VPS41: variants seen among roughly 807,000 people sequenced by gnomAD.
VPS41 encodes the protein VPS41 subunit of HOPS complex.
In VPS41, 85 loss-of-function variants were observed where a neutral mutation model predicts 130.9. The ratio of observed to expected loss-of-function variants is 0.65; its 90% CI spans 0.55 to 0.78. The LOEUF is 0.78. VPS41 is among the 30% of genes least tolerant of loss of function. The pLI, the probability that VPS41 is intolerant of heterozygous loss-of-function variation, is 0.00. For synonymous variants in VPS41, 335 were observed against 332.9 expected (o/e 1.01, Z -0.07); for missense variants, 874 against 1,018.7 (o/e 0.86, Z 1.93).
At position 38,795,463 on chromosome 7, in the gene VPS41, A is replaced by AG. The variant is rs754977119; in HGVS notation, c.717+1_717+2insC. On this transcript the variant is annotated splice_donor_variant, in intron 9 of 28. Coordinates refer to ENST00000310301, the MANE Select transcript of VPS41 (RefSeq NM_014396.4). LOFTEE classifies it high-confidence loss of function. ...ACTTATTATAAAGACAAGCAAAACC[A>AG]CCTTGACAGAAGTCCCCCAGCCAAT... The AG allele has an allele frequency of 1.2e-6, 2 of 1,610,156 alleles. No homozygotes were observed. The highest frequency in any genetic ancestry group is 1.7e-6 in the Non-Finnish European group (2 of 1,177,942).
intron 25 of VPS41, among the ~76,000 whole-genome samples, chr7:38,734,749 G>A (rs976937423): frequency 3.9e-5 from 6 of 152,140 alleles, no homozygotes; most frequent in Non-Finnish European, 5.9e-5. Context: ...AAGATTCTTC[G>A]AACACTAAAC....
At chr7:38,898,432 G>A (rs1388443277) in intron 1 of VPS41, among the ~76,000 whole-genome samples, 1 of 152,144 alleles carries the variant, frequency 6.6e-6, no homozygotes, top group Non-Finnish European at 1.5e-5. Context: ...AACCCATCTG[G>A]CAAAGCAGCC....
intron 16 of VPS41, among the ~76,000 whole-genome samples, chr7:38,764,138 T>C (rs1271108250): frequency 6.6e-6 from 1 of 152,198 alleles, no homozygotes; most frequent in Admixed American, 6.5e-5. Context: ...AGAAGAAAGA[T>C]ATGCAGACAA....
In VPS41 at chr7:38,772,578, T is replaced by C; in HGVS notation, c.1072A>G (p.Lys358Glu). 4.3e-6 allele frequency: 7 copies of C among 1,613,740 alleles called. No homozygotes were observed. Among genetic ancestry groups the C allele is most frequent in the Non-Finnish European group, 5.9e-6 (7 of 1,179,742 alleles). Reference sequence around the variant, plus strand: ...ATGTGATCATCTTGGTCTCGTTCCTTGGCCACTACAACATCTCTCGGACTC... The same window carrying C: ...ATGTGATCATCTTGGTCTCGTTCCTCGGCCACTACAACATCTCTCGGACTC... ...IVSPRDVVVAKERDQDDHIDW... is the reference protein window; with the variant it reads ...IVSPRDVVVAEERDQDDHIDW... The change falls in exon 13 of 29, where the codon AAG becomes GAG. Residue 358 changes from lysine (K) to glutamate (E), a missense_variant. By Grantham distance (56) the Lys-to-Glu change is moderately conservative. Transcript: ENST00000310301.
At chr7:38,776,245 C>T (rs1486128474) in intron 11 of VPS41, among the ~76,000 whole-genome samples, 2 of 152,190 alleles carry the variant, frequency 1.3e-5, no homozygotes, top group Non-Finnish European at 2.9e-5. Flanking sequence ...CACCAGCCCA[C>T]TAGGAAGTAA....
intron 25 of VPS41, among the ~76,000 whole-genome samples, chr7:38,732,866 C>T (rs1271585143): frequency 6.6e-6 from 1 of 152,100 alleles, no homozygotes; most frequent in African/African-American, 2.4e-5. Flanking sequence ...CTTGCTCTGC[C>T]ACCCAGGCTG....
At chr7:38,885,536 A>G (rs1483739886) in intron 2 of VPS41, among the ~76,000 whole-genome samples, 1 of 152,168 alleles carries the variant, frequency 6.6e-6, no homozygotes, top group Non-Finnish European at 1.5e-5. Flanking sequence ...AAGATACTAC[A>G]ATTTTGGAAC....
At chr7:38,727,749 G>A (rs1176102694) in intron 27 of VPS41, among the ~76,000 whole-genome samples, 2 of 152,132 alleles carry the variant, frequency 1.3e-5, no homozygotes, top group Non-Finnish European at 2.9e-5. Context: ...GTAAACATGA[G>A]GTCAACTAGG....
chr7:38,896,684 C>CG (rs1787002011), intron 2 of VPS41, among the ~76,000 whole-genome samples: 1 of 152,122 alleles, frequency 6.6e-6, no homozygotes, highest in Non-Finnish European at 1.5e-5. Flanking sequence ...GAGAAATATG[C>CG]ATAAGTCCAA....
At chr7:38,902,419 G>A (rs1227406890) in intron 1 of VPS41, among the ~76,000 whole-genome samples, 1 of 152,158 alleles carries the variant, frequency 6.6e-6, no homozygotes, top group Admixed American at 6.5e-5. Flanking sequence ...GCAAATCAGT[G>A]GCCTGGGGTC....
rs538810222 is a variant in VPS41, at chr7:38,905,997, T to C, written c.21+3157A>G. Among the ~76,000 whole-genome samples, 266 of 152,196 alleles carry C rather than the reference T, an allele frequency of 1.7e-3. 1 individual carries two copies. The highest frequency in any genetic ancestry group is 3.2e-3 in the Non-Finnish European group (221 of 68,008). On this transcript the variant is annotated intron_variant, in intron 1 of 28. Coordinates refer to ENST00000310301, the MANE Select transcript of VPS41 (RefSeq NM_014396.4). ...TTTTAGTAGTGACGGGGTTTCACCATGTTGGCCCGTCTGGTCTCGAACTCC... is the reference window on the plus strand; with the variant it reads ...TTTTAGTAGTGACGGGGTTTCACCACGTTGGCCCGTCTGGTCTCGAACTCC...
rs555752925 is a variant in VPS41 at position 38,774,349 on chromosome 7, G to A, written c.883-105C>T. On this transcript the variant is annotated intron_variant, in intron 11 of 28. Transcript: ENST00000310301. The stretch of plus-strand genomic sequence containing the variant: ...TATTAGTTTCTTCTCACACTCCTAT[G>A]AAGAAATACCCAAGACTGGGTAATT... 145 of 1,069,028 alleles carry A rather than the reference G, an allele frequency of 1.4e-4. No individual in the cohort carries two copies. The African/African-American group carries it at 2.3e-3, about 17-fold the overall frequency. The allele number at this position is 1,069,028 out of a possible 1,614,324, so 66.2% of individuals were successfully genotyped here. A position where few individuals can be genotyped will look rare whatever the true frequency, so the allele number is the denominator to read the frequency against.
At chr7:38,809,485 T>C (rs1038466979) in intron 7 of VPS41, among the ~76,000 whole-genome samples, 3 of 151,740 alleles carry the variant, frequency 2.0e-5, no homozygotes, top group Non-Finnish European at 4.4e-5. Context: ...TTTTTAAATA[T>C]TTACAGTTTT....
chr7:38,793,941 T>C (rs1426362706), intron 9 of VPS41, among the ~76,000 whole-genome samples: 2 of 152,306 alleles, frequency 1.3e-5, no homozygotes, highest in Non-Finnish European at 2.9e-5. Flanking sequence ...CTTAATCATA[T>C]CTTTTGCTAA....
chr7:38,732,807 T>C (rs1013805658), intron 25 of VPS41, among the ~76,000 whole-genome samples: 9 of 152,164 alleles, frequency 5.9e-5, no homozygotes, highest in African/African-American at 2.2e-4. Context: ...ACACAGAAGC[T>C]GCTTTTTATT....
At chr7:38,744,589 T>C (rs940001764) in intron 23 of VPS41, among the ~76,000 whole-genome samples, 1 of 152,142 alleles carries the variant, frequency 6.6e-6, no homozygotes, top group African/African-American at 2.4e-5. Flanking sequence ...TCTAAGACAA[T>C]ATGACAAAAA....
intron 2 of VPS41, among the ~76,000 whole-genome samples, chr7:38,897,417 G>A (rs949418322): frequency 7.6e-4 from 116 of 151,812 alleles, no homozygotes; most frequent in Non-Finnish European, 1.3e-3. Flanking sequence ...AGGCAGAGGC[G>A]GGTGGATCAC....
At chr7:38,907,256 G>C (rs1180151397) in intron 1 of VPS41, among the ~76,000 whole-genome samples, 1 of 152,124 alleles carries the variant, frequency 6.6e-6, no homozygotes, top group Non-Finnish European at 1.5e-5. Context: ...CCTCAAAAAG[G>C]AACAGCATGA....
At chr7:38,772,305 C>T (rs1463586129) in intron 13 of VPS41, among the ~76,000 whole-genome samples, 1 of 152,198 alleles carries the variant, frequency 6.6e-6, no homozygotes, top group Non-Finnish European at 1.5e-5. Flanking sequence ...CCACTCCCAA[C>T]TCCTCCCCCA....
Sources: allele counts gnomAD v4.1 joint callset (sites outside exome capture counted in the v4.1 genomes callset), GRCh38; gene constraint gnomAD v4.1.1; transcripts MANE v1.5; gene names NCBI Gene and HGNC (gene_info 2026-07-23, HGNC 2026-07-21).